Variants in ZCCHC14 observed in about 807,000 individuals in gnomAD.
ZCCHC14 encodes zinc finger CCHC domain-containing protein 14.
Under a neutral mutation model 85.0 loss-of-function variants are expected in ZCCHC14, and 16 were observed. That is an observed-to-expected ratio of 0.19 (90% confidence interval 0.13 to 0.29). The LOEUF is 0.29. Among genes scored for constraint, ZCCHC14 ranks in the 10% least tolerant of loss-of-function variants. The pLI is 1.00. For synonymous variants in ZCCHC14, 775 were observed against 630.7 expected (o/e 1.23, Z -3.43); for missense variants, 1,303 against 1,443.5 (o/e 0.90, Z 1.58).
rs1820939622 is a variant in ZCCHC14, at chr16:87,491,657, G to A, written c.570+12C>T. The A allele has an allele frequency of 2.1e-6, 3 of 1,397,578 alleles. No homozygotes were observed. Among genetic ancestry groups the A allele is most frequent in the Admixed American group, 3.6e-5 (1 of 27,950 alleles). 86.6% of individuals were successfully genotyped at this position (1,397,578 alleles called of 1,614,324 possible). ...CTTGGGGTACAGGGCAGAGCTCGGG[G>A]CGGGCACGCACCTTGTGGCAGGCTG... On this transcript the variant is annotated intron_variant, in intron 1 of 12. Transcript: ENST00000671377. This position sits in a 1 kb window ranked among gnomAD's most constrained non-coding sequence, Gnocchi z 5.9.
At chr16:87,414,137 T>G (rs1204445212) in intron 10 of ZCCHC14, among the ~76,000 whole-genome samples, 1 of 150,398 alleles carries the variant, frequency 6.6e-6, no homozygotes, top group Admixed American at 6.6e-5. Flanking sequence ...TGTGTACGAG[T>G]AACCCACCTG....
rs527914953 is a variant in ZCCHC14 at position 87,453,549 on chromosome 16, C to T, written c.694+6459G>A. On this transcript the variant is annotated intron_variant, in intron 2 of 12. Coordinates refer to ENST00000671377, the MANE Select transcript of ZCCHC14 (RefSeq NM_015144.3). ...GACAAAGCCCAGGCTCTGCACGTGC[C>T]CGCCACACACCTGGCTGCCCCAGCC... Among the ~76,000 whole-genome samples, 70 of 152,326 alleles carry T rather than the reference C, an allele frequency of 4.6e-4. 1 individual carries two copies. Among genetic ancestry groups the T allele is most frequent in the Admixed American group, 1.3e-3 (20 of 15,308 alleles).
chr16:87,481,864 T>C (rs1768737196), intron 1 of ZCCHC14, among the ~76,000 whole-genome samples: 1 of 152,122 alleles, frequency 6.6e-6, no homozygotes, highest in Non-Finnish European at 1.5e-5. Context: ...AGAAATGTAT[T>C]TCTTACAGTT....
intron 3 of ZCCHC14, among the ~76,000 whole-genome samples, chr16:87,427,114 GT>G (rs1275881114): frequency 2.0e-5 from 3 of 152,252 alleles, no homozygotes; most frequent in African/African-American, 7.2e-5. Flanking sequence ...AACAGCTCCA[GT>G]GGAAACAGTG....
At chr16:87,418,011 C>A in intron 7 of ZCCHC14, 1 of 468,144 alleles carries the variant, frequency 2.1e-6, no homozygotes, top group South Asian at 5.3e-5. Flanking sequence ...TGCCTCTGCC[C>A]GTGCTTCGGA....
intron 3 of ZCCHC14, among the ~76,000 whole-genome samples, chr16:87,427,224 C>A (rs1301246370): frequency 2.0e-5 from 3 of 152,252 alleles, no homozygotes; most frequent in African/African-American, 7.2e-5. Context: ...GTCCCCCAAC[C>A]TTGGAGGGCA....
At chr16:87,443,012 C>T (rs1000234690) in intron 2 of ZCCHC14, among the ~76,000 whole-genome samples, 3 of 152,052 alleles carry the variant, frequency 2.0e-5, no homozygotes, top group African/African-American at 4.8e-5. Context: ...GGAAAATGAA[C>T]GGGAAGCAAA....
intron 1 of ZCCHC14, among the ~76,000 whole-genome samples, chr16:87,477,120 C>CAAAAAAAAAAAAAAAAAAAA (rs769416913): frequency 2.7e-4 from 11 of 40,630 alleles, no homozygotes; most frequent in African/African-American, 1.4e-3. Context: ...GACTCAGTCT[C>CAAAAAAAAAAAAAAAAAAAA]AAAAAAAAAA....
chr16:87,452,020 G>A (rs916365690), intron 2 of ZCCHC14, among the ~76,000 whole-genome samples: 11 of 152,224 alleles, frequency 7.2e-5, no homozygotes, highest in African/African-American at 2.7e-4. Context: ...TGACTGCAGC[G>A]TTCTTGAGCC....
chr16:87,480,622 T>G (rs1242275435), intron 1 of ZCCHC14, among the ~76,000 whole-genome samples: 1 of 152,180 alleles, frequency 6.6e-6, no homozygotes, highest in Non-Finnish European at 1.5e-5. Context: ...CGGCGGCTTT[T>G]CATCCACCCA....
intron 1 of ZCCHC14, among the ~76,000 whole-genome samples, chr16:87,465,975 G>A (rs2096787970): frequency 6.6e-6 from 1 of 152,086 alleles, no homozygotes; most frequent in South Asian, 2.1e-4. Flanking sequence ...CCTTTAGATG[G>A]GATGGAAAAG....
rs539103329 is a variant in ZCCHC14 at position 87,467,240 on chromosome 16, G to A, written c.571-7109C>T. Reference sequence around the variant, plus strand: ...CTCGAATGAGGACTGCAAGCCTCTCGTTTTACCGGACACTAAACCCAAAAT... The same window carrying A: ...CTCGAATGAGGACTGCAAGCCTCTCATTTTACCGGACACTAAACCCAAAAT... On this transcript the variant is annotated intron_variant, in intron 1 of 12. Transcript: ENST00000671377. The A allele has an allele frequency of 5.5e-4, 860 of 1,563,762 alleles. 4 individuals are homozygous for A. The African/African-American group carries it at 9.0e-3, about 16-fold the overall frequency.
rs556531185 is a variant in ZCCHC14 at position 87,406,780 on chromosome 16, C to G, written c.*3500G>C. Reference sequence around the variant, plus strand: ...AGTGTTGATTAAAGATGCTTTCATTCAGACCCTTGGGACTTTTCAACAAAT... The same window carrying G: ...AGTGTTGATTAAAGATGCTTTCATTGAGACCCTTGGGACTTTTCAACAAAT... On this transcript the variant is annotated 3_prime_UTR_variant, in exon 13 of 13. Coordinates refer to ENST00000671377, the MANE Select transcript of ZCCHC14 (RefSeq NM_015144.3). The G allele has an allele frequency of 6.6e-6, 1 of 152,344 alleles. No homozygotes were observed. The highest frequency in any genetic ancestry group is 1.9e-4 in the East Asian group (1 of 5,186). 9.4% of individuals were successfully genotyped at this position (152,344 alleles called of 1,614,324 possible).
chr16:87,415,191 T>G, intron 9 of ZCCHC14, 85 bp downstream of exon 9: 1 of 1,111,464 alleles, frequency 9.0e-7, no homozygotes, highest in Non-Finnish European at 1.4e-6. Context: ...CAATCACTAG[T>G]ATTTAGCACT....
rs940491660 is a variant in ZCCHC14 at position 87,448,135 on chromosome 16, A to G, written c.694+11873T>C. Among the ~76,000 whole-genome samples the G allele has an allele frequency of 4.6e-5, 7 of 152,316 alleles. No individual in the cohort carries two copies. The East Asian group carries it at 7.7e-4, about 17-fold the overall frequency. On this transcript the variant is annotated intron_variant, in intron 2 of 12. Coordinates refer to ENST00000671377, the MANE Select transcript of ZCCHC14 (RefSeq NM_015144.3). ...ATCTTCACAATCATTAACGTCTTCC[A>G]TTTCCTTATATAGGCTGTATTCCTA... is the stretch of plus-strand genomic sequence containing the variant.
chr16:87,419,056 A>C (rs935988708), intron 6 of ZCCHC14, among the ~76,000 whole-genome samples, 155 bp from the exon 7 acceptor site: 1 of 152,102 alleles, frequency 6.6e-6, no homozygotes, highest in South Asian at 2.1e-4. Flanking sequence ...TCCCGGGTTC[A>C]AGTGATTCTC....
intron 2 of ZCCHC14, among the ~76,000 whole-genome samples, chr16:87,442,167 G>T (rs1002154467): frequency 6.6e-6 from 1 of 152,174 alleles, no homozygotes; most frequent in African/African-American, 2.4e-5. Flanking sequence ...AATCTGAACT[G>T]CCGAACACAC....
At chr16:87,449,975 G>A (rs2150750633) in intron 2 of ZCCHC14, among the ~76,000 whole-genome samples, 1 of 152,358 alleles carries the variant, frequency 6.6e-6, no homozygotes, top group African/African-American at 2.4e-5. Context: ...AGCCCCAGAG[G>A]TCGAGGCTGC....
rs531336822 is a variant in ZCCHC14, at chr16:87,428,041, T to TGC, written c.769-4162_769-4161dup. Among the ~76,000 whole-genome samples, 50 of 152,040 alleles carry TGC rather than the reference T, an allele frequency of 3.3e-4. 1 individual carries two copies. The East Asian group carries it at 9.5e-3, about 29-fold the overall frequency. ...GATGCTCCTGCCTCAGCTGCCTACATGCTGACTTTATATCAAAAAGGTTCC... is the reference window on the plus strand; with the variant it reads ...GATGCTCCTGCCTCAGCTGCCTACATGCGCTGACTTTATATCAAAAAGGTTCC... On this transcript the variant is annotated intron_variant, in intron 3 of 12. Transcript: ENST00000671377.
Sources: gnomAD v4.1 joint callset for allele counts (sites outside exome capture counted in the v4.1 genomes callset) on GRCh38, gnomAD v4.1.1 for gene constraint, Gnocchi (gnomAD v3.1) non-coding constraint, MANE v1.5 for transcripts, NCBI Gene and HGNC (gene_info 2026-07-23, HGNC 2026-07-21) for gene names.